The following AHI1 variants were observed in gnomAD, a reference collection of about 807,000 sequenced individuals.
The protein encoded by AHI1 is Abelson helper integration site 1.
In AHI1, 123 loss-of-function variants were observed where a neutral mutation model predicts 149.3. The ratio of observed to expected loss-of-function variants is 0.82; its 90% confidence interval spans 0.71 to 0.96. AHI1 has a LOEUF of 0.96. Ranked by LOEUF, AHI1 falls within the 40% of genes least tolerant of loss-of-function variation. AHI1 has a pLI of 0.00. For synonymous variants in AHI1, 475 were observed against 459.8 expected, an observed-to-expected ratio of 1.03 and a Z score of -0.42; for missense variants, 1,439 against 1,422.7, an observed-to-expected ratio of 1.01 and a Z score of -0.18.
At chr6:135,364,297 G>A (rs1247387011) in intron 23 of AHI1, among the ~76,000 whole-genome samples, 2 of 151,510 alleles carry the variant, frequency 1.3e-5, no homozygotes, top group East Asian at 2.0e-4. Flanking sequence ...GACGATGGGC[G>A]GCCGGGCAGA....
At chr6:135,292,446 G>C (rs945117950) in intron 27 of AHI1, among the ~76,000 whole-genome samples, 6 of 152,138 alleles carry the variant, frequency 3.9e-5, no homozygotes, top group Non-Finnish European at 8.8e-5. Flanking sequence ...CCCAGATAGA[G>C]TAGGAGGAAC....
intron 24 of AHI1, among the ~76,000 whole-genome samples, chr6:135,347,317 A>G (rs1354205793): frequency 6.6e-6 from 1 of 152,190 alleles, no homozygotes; most frequent in Non-Finnish European, 1.5e-5. Flanking sequence ...TTAAAAATAT[A>G]CATTGTTTCA....
intron 24 of AHI1, among the ~76,000 whole-genome samples, chr6:135,345,155 C>T (rs1191829622): frequency 2.0e-5 from 3 of 152,074 alleles, no homozygotes; most frequent in Non-Finnish European, 4.4e-5. Flanking sequence ...TCCACTAGGA[C>T]AGCTATAATA....
chr6:135,476,195 TTTC>T (rs1336273325), intron 5 of AHI1, among the ~76,000 whole-genome samples: 1 of 152,176 alleles, frequency 6.6e-6, no homozygotes, highest in East Asian at 1.9e-4. Flanking sequence ...TCTTTTGTGT[TTTC>T]TTCTTCAATA....
chr6:135,341,880 T>C (rs897781824), intron 24 of AHI1, among the ~76,000 whole-genome samples: 1 of 151,912 alleles, frequency 6.6e-6, no homozygotes, highest in Non-Finnish European at 1.5e-5. Flanking sequence ...TGAATATTTT[T>C]ACTCTGTACC....
intron 22 of AHI1, among the ~76,000 whole-genome samples, chr6:135,398,056 ATGTTT>A (rs1554315329): frequency 1.0e-5 from 1 of 96,584 alleles, no homozygotes. Context: ...AATACCCAGG[ATGTTT>A]TTTTTTTTTT....
intron 20 of AHI1, among the ~76,000 whole-genome samples, chr6:135,418,264 C>T (rs1452418103): frequency 1.3e-5 from 2 of 151,996 alleles, no homozygotes; most frequent in Non-Finnish European, 1.5e-5. Flanking sequence ...CTGCAAGGTG[C>T]TAAGTGGTAT....
At chr6:135,397,672 A>T (rs552776803) in intron 22 of AHI1, among the ~76,000 whole-genome samples, 40 of 152,228 alleles carry the variant, frequency 2.6e-4, no homozygotes, top group African/African-American at 9.6e-4. Context: ...TGAACATGAA[A>T]TTGAATGCAC....
intron 26 of AHI1, among the ~76,000 whole-genome samples, chr6:135,305,881 C>T (rs1784477632): frequency 1.3e-5 from 2 of 152,268 alleles, no homozygotes; most frequent in African/African-American, 4.8e-5. Context: ...CATTTCTGGC[C>T]ACAGCAGGCT....
rs553271756 is a variant in AHI1, at chr6:135,432,218, A to G, written c.2266+809T>C. Among the ~76,000 whole-genome samples the G allele has an allele frequency of 7.0e-4, 107 of 152,174 alleles. 1 individual carries two copies. The highest frequency in any genetic ancestry group is 2.4e-3 in the African/African-American group (100 of 41,492). On this transcript the variant is annotated intron_variant, in intron 16 of 28. Transcript: ENST00000265602. ...ATTATCCTTTTGATCTGGATCCCATACCAATTAATTATAGCGCTAGCCTAC... is the reference window on the plus strand; with the variant it reads ...ATTATCCTTTTGATCTGGATCCCATGCCAATTAATTATAGCGCTAGCCTAC...
intron 22 of AHI1, among the ~76,000 whole-genome samples, chr6:135,403,324 C>T (rs1780286356): frequency 8.5e-5 from 13 of 152,090 alleles, no homozygotes; most frequent in Admixed American, 8.5e-4. Flanking sequence ...TAAATTATAG[C>T]TCAATAAAAC....
intron 4 of AHI1, among the ~76,000 whole-genome samples, chr6:135,491,248 T>C (rs116229574): frequency 2.5e-4 from 38 of 152,298 alleles, no homozygotes; most frequent in African/African-American, 9.1e-4. Context: ...CCAATACATT[T>C]AGGATAAAAT....
intron 27 of AHI1, among the ~76,000 whole-genome samples, chr6:135,293,583 A>T (rs1782681298): frequency 1.7e-5 from 2 of 120,168 alleles, no homozygotes; most frequent in South Asian, 4.6e-4. Flanking sequence ...CAAGATCAAC[A>T]TACAATAATC....
At chr6:135,464,935 T>C (rs1228403152) in intron 7 of AHI1, among the ~76,000 whole-genome samples, 1 of 152,214 alleles carries the variant, frequency 6.6e-6, no homozygotes, top group Non-Finnish European at 1.5e-5. Flanking sequence ...AGACAGTAAA[T>C]GCTTGTTGTC....
intron 23 of AHI1, among the ~76,000 whole-genome samples, chr6:135,392,235 G>A (rs1186922590): frequency 3.3e-5 from 5 of 152,122 alleles, no homozygotes; most frequent in African/African-American, 1.2e-4. Flanking sequence ...CCTTAAACAA[G>A]GTGGTCACTT....
At chr6:135,317,644 C>T (rs1786173025) in intron 26 of AHI1, among the ~76,000 whole-genome samples, 1 of 152,078 alleles carries the variant, frequency 6.6e-6, no homozygotes, top group Non-Finnish European at 1.5e-5. Flanking sequence ...CTGTAAGCAA[C>T]TTAAGGGCAA....
At chr6:135,403,765 T>C (rs1780352753) in intron 22 of AHI1, among the ~76,000 whole-genome samples, 1 of 152,172 alleles carries the variant, frequency 6.6e-6, no homozygotes, top group Non-Finnish European at 1.5e-5. Context: ...ACATCTGCAG[T>C]ACAAGTCAGA....
At chr6:135,474,986 TA>T (rs1465104918) in intron 5 of AHI1, among the ~76,000 whole-genome samples, 1 of 152,242 alleles carries the variant, frequency 6.6e-6, no homozygotes, top group Admixed American at 6.5e-5. Flanking sequence ...GAATTGGCAT[TA>T]TTCTTTCATC....
intron 22 of AHI1, among the ~76,000 whole-genome samples, chr6:135,403,943 A>T (rs1780383224): frequency 6.6e-6 from 1 of 151,782 alleles, no homozygotes; most frequent in Non-Finnish European, 1.5e-5. Context: ...TCCCTCCCTA[A>T]CATGCCCCAT....
Sources: gnomAD v4.1 joint callset for allele counts (sites outside exome capture counted in the v4.1 genomes callset) on GRCh38, gnomAD v4.1.1 for gene constraint, MANE v1.5 for transcripts, NCBI Gene and HGNC (gene_info 2026-07-23, HGNC 2026-07-21) for gene names.